The following TNFRSF11B variants were observed in gnomAD, a reference collection of about 807,000 sequenced individuals.
TNFRSF11B encodes the protein tumor necrosis factor receptor superfamily member 11B.
Under a neutral mutation model 43.4 loss-of-function variants are expected in TNFRSF11B, and 16 were observed. The observed-to-expected ratio is 0.37, with a 90% CI of 0.25 to 0.56. The LOEUF (loss-of-function observed/expected upper bound fraction) is 0.56. Among genes scored for constraint, TNFRSF11B ranks in the 20% least tolerant of loss-of-function variants. TNFRSF11B has a pLI of 0.80. For synonymous variants in TNFRSF11B, 185 were observed against 181.8 expected (o/e 1.02, Z -0.14); for missense variants, 444 against 490.1 (o/e 0.91, Z 0.89).
At chr8:118,937,667 C>T (rs1423079119) in intron 1 of TNFRSF11B, among the ~76,000 whole-genome samples, 2 of 152,182 alleles carry the variant, frequency 1.3e-5, no homozygotes, top group Non-Finnish European at 2.9e-5. Context: ...TGAAGCCTTT[C>T]CCTTACCCTC....
At chr8:118,948,150 T>C (rs973933164) in intron 1 of TNFRSF11B, among the ~76,000 whole-genome samples, 3 of 152,186 alleles carry the variant, frequency 2.0e-5, no homozygotes, top group African/African-American at 7.2e-5. Context: ...ACCATACAAA[T>C]ATCCTGATAA....
intron 2 of TNFRSF11B, 24 bp downstream of exon 2, chr8:118,932,907 A>G: frequency 6.2e-7 from 1 of 1,613,792 alleles, no homozygotes; most frequent in Non-Finnish European, 8.5e-7. Context: ...ATCCTAATTA[A>G]TTTTGCTGCA....
chr8:118,928,299 G>T (rs1812275133), intron 3 of TNFRSF11B, among the ~76,000 whole-genome samples: 1 of 152,194 alleles, frequency 6.6e-6, no homozygotes, highest in Admixed American at 6.5e-5. Context: ...TGGGATTATA[G>T]GAGTAAGCCA....
At chr8:118,950,289 T>C (rs760886235) in intron 1 of TNFRSF11B, among the ~76,000 whole-genome samples, 52 of 152,216 alleles carry the variant, frequency 3.4e-4, no homozygotes, top group Admixed American at 6.5e-4. Flanking sequence ...GATGATTAAA[T>C]CAATTGTGGT....
intron 1 of TNFRSF11B, among the ~76,000 whole-genome samples, chr8:118,950,543 T>C (rs1284498988): frequency 6.6e-6 from 1 of 152,240 alleles, no homozygotes; most frequent in Non-Finnish European, 1.5e-5. Flanking sequence ...CGATAATATA[T>C]TTCTTGATCT....
chr8:118,932,626 T>C (rs369863026), intron 2 of TNFRSF11B, among the ~76,000 whole-genome samples: 3 of 149,216 alleles, frequency 2.0e-5, no homozygotes, highest in African/African-American at 7.5e-5. Context: ...GAGGTATAGA[T>C]CAACTATCAA....
intron 2 of TNFRSF11B, among the ~76,000 whole-genome samples, chr8:118,929,487 T>C (rs1812295421): frequency 6.6e-6 from 1 of 152,208 alleles, no homozygotes; most frequent in Non-Finnish European, 1.5e-5. Context: ...AAGGTGGCAA[T>C]AAAGTTGGCC....
chr8:118,948,458 G>T (rs1175394853), intron 1 of TNFRSF11B, among the ~76,000 whole-genome samples: 1 of 152,110 alleles, frequency 6.6e-6, no homozygotes, highest in African/African-American at 2.4e-5. Context: ...GCAAGTTAGT[G>T]GCTAGGAGAG....
intron 3 of TNFRSF11B, 126 bp downstream of exon 3, chr8:118,928,596 CGAGAGTAGCCTTAGCT>C: frequency 1.8e-5 from 16 of 887,160 alleles, no homozygotes; most frequent in Non-Finnish European, 2.7e-5. Context: ...AGTAATGCAT[CGAGAGTAGCCTTAGCT>C]GGTTAAGATT....
intron 2 of TNFRSF11B, chr8:118,930,787 G>A: frequency 2.3e-6 from 1 of 443,608 alleles, no homozygotes; most frequent in South Asian, 1.6e-5. Context: ...AAGTTCATAT[G>A]TGTCAGATAT....
chr8:118,929,370 A>G (rs1188647927), intron 2 of TNFRSF11B, among the ~76,000 whole-genome samples: 1 of 152,212 alleles, frequency 6.6e-6, no homozygotes, highest in East Asian at 1.9e-4. Context: ...TTAAATTCCA[A>G]TCAGTTCCTA....
rs535128676 is a variant in TNFRSF11B, at chr8:118,950,012, T to C, written c.30+1780A>G. Among the ~76,000 whole-genome samples the C allele has an allele frequency of 6.6e-5, 10 of 152,354 alleles. No homozygotes were observed. The South Asian group carries it at 1.2e-3, about 19-fold the overall frequency. On this transcript the variant is annotated intron_variant, in intron 1 of 4. Transcript: ENST00000297350. ...TGTTCAAGACATATACGAAGTCTTA[T>C]CTTCTGATAATGCTGTATCATCTAA...
chr8:118,934,754 A>G (rs1446687856), intron 1 of TNFRSF11B, among the ~76,000 whole-genome samples: 1 of 152,162 alleles, frequency 6.6e-6, no homozygotes, highest in Non-Finnish European at 1.5e-5. Flanking sequence ...GTGGTAAACC[A>G]AACAATAATT....
intron 3 of TNFRSF11B, among the ~76,000 whole-genome samples, chr8:118,927,543 C>T (rs1032982364): frequency 8.1e-6 from 1 of 124,152 alleles, no homozygotes; most frequent in Non-Finnish European, 1.6e-5. Context: ...TTTAATACCC[C>T]TTCCTTCATT....
intron 2 of TNFRSF11B, among the ~76,000 whole-genome samples, chr8:118,930,019 G>A (rs908523592): frequency 1.3e-5 from 2 of 152,148 alleles, no homozygotes; most frequent in Admixed American, 6.5e-5. Flanking sequence ...TTCATCTCCT[G>A]TCTCTTTCTA....
intron 1 of TNFRSF11B, among the ~76,000 whole-genome samples, chr8:118,941,565 C>A (rs535714761): frequency 6.6e-6 from 1 of 152,108 alleles, no homozygotes; most frequent in East Asian, 1.9e-4. Flanking sequence ...CAGAAGTTTC[C>A]TTTAGTTGTC....
At position 118,924,638 on chromosome 8, in the gene TNFRSF11B, T is replaced by A; in HGVS notation, c.942A>T (p.Lys314Asn). 1 of 1,614,190 alleles carries A rather than the reference T, an allele frequency of 6.2e-7. No homozygotes were observed. Among genetic ancestry groups the A allele is most frequent in the East Asian group, 2.2e-5 (1 of 44,884 alleles). ...CACTGGGTTTGCATGCCTTTATTGT[T>A]TTTTCAATGTCTTCTGCTCCCACTT... ...GKKVGAEDIEKTIKACKPSDQ... is the reference protein window; with the variant it reads ...GKKVGAEDIENTIKACKPSDQ... The change falls in exon 5 of 5, where the codon AAA (lysine) becomes AAT (asparagine). Residue 314 changes from lysine (K) to asparagine (N), a missense_variant. Physicochemically the swap from Lys to Asn is moderately conservative, Grantham distance 94. Coordinates refer to ENST00000297350, the MANE Select transcript of TNFRSF11B (RefSeq NM_002546.4).
At chr8:118,950,929 C>G (rs1422391276) in intron 1 of TNFRSF11B, among the ~76,000 whole-genome samples, 1 of 152,084 alleles carries the variant, frequency 6.6e-6, no homozygotes, top group Non-Finnish European at 1.5e-5. Context: ...TTTTCCTAGC[C>G]TTGCATAAAT....
At chr8:118,940,539 G>T (rs1812472565) in intron 1 of TNFRSF11B, among the ~76,000 whole-genome samples, 1 of 152,066 alleles carries the variant, frequency 6.6e-6, no homozygotes, top group Non-Finnish European at 1.5e-5. Flanking sequence ...CACTGCAATT[G>T]TTATATTTCA....
Sources: gnomAD v4.1 joint callset for allele counts (sites outside exome capture counted in the v4.1 genomes callset) on GRCh38, gnomAD v4.1.1 for gene constraint, MANE v1.5 for transcripts, NCBI Gene and HGNC (gene_info 2026-07-23, HGNC 2026-07-21) for gene names.